RPS6KA5: variants seen among roughly 807,000 people sequenced by gnomAD.
The protein encoded by RPS6KA5 is ribosomal protein S6 kinase A5.
Under a neutral mutation model 85.5 loss-of-function variants are expected in RPS6KA5, and 27 were observed. That is an observed-to-expected ratio of 0.32 (90% CI 0.23 to 0.44). The LOEUF (loss-of-function observed/expected upper bound fraction) is 0.44. Ranked by LOEUF, RPS6KA5 falls within the 20% of genes least tolerant of loss-of-function variation. The pLI is 1.00. For missense variants in RPS6KA5, 811 were observed against 980.9 expected (o/e 0.83, Z 2.31); for synonymous variants, 334 against 348.2 (o/e 0.96, Z 0.46).
chr14:91,037,966 G>T (rs1348014921), intron 1 of RPS6KA5, among the ~76,000 whole-genome samples: 1 of 152,170 alleles, frequency 6.6e-6, no homozygotes, highest in East Asian at 1.9e-4. Flanking sequence ...CCCTGATTAG[G>T]CTATGCTGAG....
intron 3 of RPS6KA5, among the ~76,000 whole-genome samples, chr14:90,951,632 G>A (rs1000966967): frequency 6.6e-6 from 1 of 152,070 alleles, no homozygotes; most frequent in African/African-American, 2.4e-5. Context: ...GGCACCAAAG[G>A]GCTATTCAAA....
chr14:90,996,132 A>T (rs762569820), intron 2 of RPS6KA5, among the ~76,000 whole-genome samples: 4 of 152,114 alleles, frequency 2.6e-5, no homozygotes, highest in East Asian at 1.9e-4. Context: ...CTACCTCAGC[A>T]TCCCTAGTAG....
In RPS6KA5 at chr14:90,890,402, T is replaced by C. The variant is rs951972792; in HGVS notation, c.1836+85A>G. ...ACCACTTTGCCAATTTTTTCATGAATGTAAGGAAACAGTGAAGAGTGAGAT... is the reference window on the plus strand; with the variant it reads ...ACCACTTTGCCAATTTTTTCATGAACGTAAGGAAACAGTGAAGAGTGAGAT... On this transcript the variant is annotated intron_variant, in intron 14 of 16. Coordinates refer to ENST00000614987, the MANE Select transcript of RPS6KA5 (RefSeq NM_004755.4). 5 of 1,210,072 alleles carry C rather than the reference T, an allele frequency of 4.1e-6. No individual in the cohort carries two copies. The African/African-American group carries it at 4.5e-5, about 11-fold the overall frequency. The allele number at this position is 1,210,072 out of a possible 1,614,324, so 75.0% of individuals were successfully genotyped here. A position where few individuals can be genotyped will look rare whatever the true frequency, so the allele number is the denominator to read the frequency against.
rs750137217 is a variant in RPS6KA5, at chr14:90,943,047, T to C, written c.618+31A>G. On this transcript the variant is annotated intron_variant, in intron 5 of 16. Transcript: ENST00000614987. Reference sequence around the variant, plus strand: ...GTTTTCATCCTTGTTTACATGCTGTTATTACTAACTTCAAATTAAAATATA... The same window carrying C: ...GTTTTCATCCTTGTTTACATGCTGTCATTACTAACTTCAAATTAAAATATA... The C allele has an allele frequency of 5.0e-6, 6 of 1,207,102 alleles. No individual in the cohort carries two copies. In the South Asian group the frequency reaches 7.3e-5, roughly 15 times the overall value. 74.8% of individuals were successfully genotyped at this position (1,207,102 alleles called of 1,614,324 possible). A position where few individuals can be genotyped will look rare whatever the true frequency, so the allele number is the denominator to read the frequency against.
chr14:90,884,922 C>T (rs1421231368), intron 14 of RPS6KA5, among the ~76,000 whole-genome samples: 2 of 152,102 alleles, frequency 1.3e-5, no homozygotes, highest in Non-Finnish European at 2.9e-5. Flanking sequence ...CTTCTTTGTC[C>T]TGCCCCACTT....
At chr14:90,897,614 G>C (rs2034911892) in intron 12 of RPS6KA5, among the ~76,000 whole-genome samples, 1 of 152,126 alleles carries the variant, frequency 6.6e-6, no homozygotes, top group African/African-American at 2.4e-5. Flanking sequence ...ATTTATACTA[G>C]TTTGTATAGG....
At chr14:91,001,239 G>T in intron 1 of RPS6KA5, 80 bp from the exon 2 acceptor site, 1 of 819,898 alleles carries the variant, frequency 1.2e-6, no homozygotes, top group South Asian at 1.6e-5. Context: ...GTGTACCAGC[G>T]ACGCTCTATT....
intron 7 of RPS6KA5, among the ~76,000 whole-genome samples, chr14:90,906,856 T>C (rs1255426523): frequency 1.3e-5 from 2 of 151,294 alleles, no homozygotes; most frequent in Non-Finnish European, 2.9e-5. Flanking sequence ...TATCTAGAAA[T>C]GGGCACTACA....
rs529872339 is a variant in RPS6KA5, at chr14:91,054,803, A to T, written c.103+5529T>A. Among the ~76,000 whole-genome samples the T allele has an allele frequency of 1.4e-3, 219 of 151,570 alleles. 2 individuals are homozygous for T. The highest frequency in any genetic ancestry group is 0.014 in the Middle Eastern group (4 of 292). ...CCATCTCTATTATTTAAAAAAAAAA[A>T]TTTTTTTTTAATTAAAGACTTTTGT... On this transcript the variant is annotated intron_variant, in intron 1 of 16. Transcript: ENST00000614987.
chr14:90,910,273 T>C (rs2035734585), intron 7 of RPS6KA5, among the ~76,000 whole-genome samples: 1 of 152,072 alleles, frequency 6.6e-6, no homozygotes, highest in Non-Finnish European at 1.5e-5. Context: ...ACATCAGTAA[T>C]ATAAAAATGA....
At chr14:91,052,833 C>CAA (rs200161761) in intron 1 of RPS6KA5, among the ~76,000 whole-genome samples, 19 of 120,212 alleles carry the variant, frequency 1.6e-4, no homozygotes, top group African/African-American at 2.9e-4. Flanking sequence ...ACTCCATCTC[C>CAA]AAAAAAAAAA....
intron 14 of RPS6KA5, among the ~76,000 whole-genome samples, chr14:90,885,232 AAC>A (rs60392238): frequency 0.015 from 2,236 of 149,438 alleles, 66 homozygotes; most frequent in African/African-American, 0.053. Context: ...CAGCCTGGGC[AAC>A]AGAGCAGGAT....
At chr14:91,045,313 T>A (rs1306909565) in intron 1 of RPS6KA5, among the ~76,000 whole-genome samples, 1 of 146,876 alleles carries the variant, frequency 6.8e-6, no homozygotes, top group Non-Finnish European at 1.5e-5. Context: ...CAGGCTGGAG[T>A]GCAATCAACG....
chr14:90,903,160 T>G (rs2035276042), intron 8 of RPS6KA5, among the ~76,000 whole-genome samples, 191 bp from the exon 9 acceptor site: 1 of 152,204 alleles, frequency 6.6e-6, no homozygotes, highest in African/African-American at 2.4e-5. Context: ...CAACCAATGC[T>G]GTGCCTCAAA....
intron 7 of RPS6KA5, among the ~76,000 whole-genome samples, chr14:90,915,937 C>A (rs1205000538): frequency 6.6e-6 from 1 of 151,950 alleles, no homozygotes; most frequent in Non-Finnish European, 1.5e-5. Context: ...AAAAACCAAT[C>A]ATTCCAATCA....
chr14:90,952,885 G>A (rs941554648), intron 3 of RPS6KA5, among the ~76,000 whole-genome samples: 14 of 152,206 alleles, frequency 9.2e-5, no homozygotes, highest in African/African-American at 2.2e-4. Flanking sequence ...GAGCTGAGGC[G>A]TTAGATCAGG....
intron 5 of RPS6KA5, among the ~76,000 whole-genome samples, chr14:90,928,496 C>A (rs2036801115): frequency 6.6e-6 from 1 of 151,498 alleles, no homozygotes; most frequent in South Asian, 2.1e-4. Flanking sequence ...ACACTTCTAA[C>A]AAAGGATCAA....
chr14:90,952,503 C>G (rs1214888529), intron 3 of RPS6KA5, among the ~76,000 whole-genome samples: 1 of 152,262 alleles, frequency 6.6e-6, no homozygotes, highest in African/African-American at 2.4e-5. Flanking sequence ...CTGGCCACCA[C>G]TGCCAGAATG....
chr14:91,058,857 T>C (rs2043453951), intron 1 of RPS6KA5, among the ~76,000 whole-genome samples: 1 of 152,188 alleles, frequency 6.6e-6, no homozygotes, highest in Non-Finnish European at 1.5e-5. Context: ...GACATCTCTC[T>C]TGAATTAAGT....
Sources: allele counts gnomAD v4.1 joint callset (sites outside exome capture counted in the v4.1 genomes callset), GRCh38; gene constraint gnomAD v4.1.1; transcripts MANE v1.5; gene names NCBI Gene and HGNC (gene_info 2026-07-23, HGNC 2026-07-21).